Variants in CDH2 observed in about 807,000 individuals in gnomAD.
CDH2 encodes cadherin-2.
In CDH2, 17 loss-of-function variants were observed where a neutral mutation model predicts 92.0. The observed-to-expected ratio is 0.18, with a 90% CI of 0.13 to 0.28. The LOEUF is 0.28. CDH2 is among the 10% of genes least tolerant of loss of function. The probability of loss-of-function intolerance (pLI) is 1.00; values close to 1 mark genes in which losing one functional copy is unlikely to be tolerated. For missense variants in CDH2, 862 were observed against 1,133.1 expected (o/e 0.76, Z 3.44); for synonymous variants, 419 against 415.9 (o/e 1.01, Z -0.09).
At chr18:28,047,429 A>G (rs1476014583) in intron 2 of CDH2, among the ~76,000 whole-genome samples, 46 of 152,214 alleles carry the variant, frequency 3.0e-4, no homozygotes. Flanking sequence ...ATCCTTTTAA[A>G]ACAAAGGAAG....
intron 6 of CDH2, among the ~76,000 whole-genome samples, chr18:27,938,166 C>T (rs1192981338): frequency 1.3e-5 from 2 of 152,048 alleles, no homozygotes; most frequent in Non-Finnish European, 2.9e-5. Flanking sequence ...GCTCCCCCTT[C>T]GCCTTCCACC....
At chr18:28,146,987 C>T (rs549018818) in intron 2 of CDH2, among the ~76,000 whole-genome samples, 1 of 152,152 alleles carries the variant, frequency 6.6e-6, no homozygotes, top group Admixed American at 6.5e-5. Context: ...AAAGGGCTTT[C>T]AGTTTTCCTT....
At chr18:27,975,591 C>G (rs1197196354) in intron 14 of CDH2, among the ~76,000 whole-genome samples, 1 of 152,216 alleles carries the variant, frequency 6.6e-6, no homozygotes, top group African/African-American at 2.4e-5. Context: ...CACCCCAAGG[C>G]CCCAGAGGGC....
intron 6 of CDH2, among the ~76,000 whole-genome samples, chr18:28,003,453 A>C (rs958720858): frequency 1.3e-5 from 2 of 152,200 alleles, no homozygotes; most frequent in Non-Finnish European, 2.9e-5. Flanking sequence ...GATTCCAAAA[A>C]GGTTCATTTT....
intron 2 of CDH2, among the ~76,000 whole-genome samples, chr18:28,067,324 G>A (rs512362): frequency 0.88 from 133,641 of 152,068 alleles, 59,046 homozygotes; most frequent in African/African-American, 0.9. Context: ...TGTTTTCTTT[G>A]CCCGAAAAGA....
chr18:28,047,366 T>A (rs756357435), intron 2 of CDH2, among the ~76,000 whole-genome samples: 10 of 152,184 alleles, frequency 6.6e-5, no homozygotes, highest in African/African-American at 9.7e-5. Flanking sequence ...GGACAGAGGT[T>A]ATGTTTCGCC....
chr18:28,029,867 T>C (rs1167895124), intron 2 of CDH2, among the ~76,000 whole-genome samples: 6 of 152,128 alleles, frequency 3.9e-5, no homozygotes, highest in Non-Finnish European at 7.4e-5. Context: ...CAAGGTATTT[T>C]AAATTTTTCA....
chr18:28,017,432 T>C (rs1235796063), intron 2 of CDH2, among the ~76,000 whole-genome samples: 2 of 152,176 alleles, frequency 1.3e-5, no homozygotes, highest in Non-Finnish European at 2.9e-5. Flanking sequence ...AATGATCTTT[T>C]GTACTTCTGT....
At chr18:28,097,300 T>C (rs1046227306) in intron 2 of CDH2, 1 of 151,852 alleles carries the variant, frequency 6.6e-6, no homozygotes, top group Non-Finnish European at 1.5e-5. Flanking sequence ...AGATGCACAG[T>C]CTGAGTCCTC....
chr18:27,934,991 C>A (rs995623180), intron 6 of CDH2, among the ~76,000 whole-genome samples: 6 of 152,176 alleles, frequency 3.9e-5, no homozygotes, highest in African/African-American at 1.4e-4. Context: ...TTCCTTGCTG[C>A]TCTACCCTCC....
chr18:27,939,201 CAT>C (rs1455137607), intron 6 of CDH2, among the ~76,000 whole-genome samples: 5 of 152,166 alleles, frequency 3.3e-5, no homozygotes, highest in Non-Finnish European at 7.3e-5. Flanking sequence ...ATCAAGCACA[CAT>C]GTTCTTCCAT....
chr18:27,972,329 T>C (rs1162219450), intron 14 of CDH2, among the ~76,000 whole-genome samples: 1 of 152,216 alleles, frequency 6.6e-6, no homozygotes, highest in Non-Finnish European at 1.5e-5. Context: ...CTAGCCATAC[T>C]GGTCCAAGCC....
chr18:27,940,711 T>G (rs1598976090), intron 6 of CDH2, among the ~76,000 whole-genome samples: 1 of 152,240 alleles, frequency 6.6e-6, no homozygotes, highest in Admixed American at 6.5e-5. Flanking sequence ...AGAAATAAGG[T>G]TTGACAATAG....
intron 2 of CDH2, among the ~76,000 whole-genome samples, chr18:28,125,428 T>G (rs2144280607): frequency 6.6e-6 from 1 of 152,258 alleles, no homozygotes; most frequent in Non-Finnish European, 1.5e-5. Flanking sequence ...AAAAATTTTT[T>G]TTTCAAAATT....
At chr18:28,011,058 C>T (rs901064192) in intron 4 of CDH2, among the ~76,000 whole-genome samples, 3 of 151,220 alleles carry the variant, frequency 2.0e-5, no homozygotes, top group African/African-American at 7.3e-5. Flanking sequence ...TTATAATGTA[C>T]ATTAGGACAG....
intron 2 of CDH2, among the ~76,000 whole-genome samples, chr18:28,033,495 GTGTA>G (rs928846223): frequency 1.3e-5 from 2 of 152,068 alleles, no homozygotes; most frequent in African/African-American, 4.8e-5. Context: ...GTGTGTGTAT[GTGTA>G]TGTATGTGTG....
At chr18:28,134,135 C>CAAAAAAA (rs34083301) in intron 2 of CDH2, among the ~76,000 whole-genome samples, 10 of 91,566 alleles carry the variant, frequency 1.1e-4, no homozygotes, top group East Asian at 3.3e-4. Flanking sequence ...ACTAAATTTA[C>CAAAAAAA]AAAAAAAAAA....
chr18:27,992,847 GAA>G lies in CDH2; in HGVS notation c.1159-9_1159-8del. 1 of 1,610,516 alleles carries G rather than the reference GAA, an allele frequency of 6.2e-7. No individual in the cohort carries two copies. Among genetic ancestry groups the G allele is most frequent in the Non-Finnish European group, 8.5e-7 (1 of 1,177,550 alleles). ...CAGGAACTTCACCATAAAACTGCGA[GAA>G]AGACAAACCTCAGTCAGAGGAGGGG... On this transcript the variant is annotated splice_region_variant and splice_polypyrimidine_tract_variant and intron_variant, in intron 8 of 15. Transcript: ENST00000269141.
At chr18:28,128,091 A>C (rs777154002) in intron 2 of CDH2, among the ~76,000 whole-genome samples, 59 of 152,334 alleles carry the variant, frequency 3.9e-4, no homozygotes, top group Admixed American at 7.8e-4. Context: ...AGTGGTTAAA[A>C]TATGGTTAGT....
Sources: allele counts gnomAD v4.1 joint callset (sites outside exome capture counted in the v4.1 genomes callset), GRCh38; gene constraint gnomAD v4.1.1; transcripts MANE v1.5; gene names NCBI Gene and HGNC (gene_info 2026-07-23, HGNC 2026-07-21).